Variants in OTOF observed in about 807,000 individuals in gnomAD.
OTOF encodes the protein otoferlin.
OTOF carries 218 observed loss-of-function variants against 236.8 expected under a neutral mutation model. That is an observed-to-expected ratio of 0.92 (90% CI 0.82 to 1.03). OTOF has a LOEUF of 1.03. Ranked by LOEUF, OTOF falls within the 50% of genes least tolerant of loss-of-function variation. OTOF has a pLI of 0.00. For synonymous variants in OTOF, 1,041 were observed against 1,072.5 expected (o/e 0.97, Z 0.57); for missense variants, 2,590 against 2,694.4 (o/e 0.96, Z 0.86).
intron 38 of OTOF, among the ~76,000 whole-genome samples, chr2:26,465,396 CTT>C (rs1664677741): frequency 6.6e-6 from 1 of 152,356 alleles, no homozygotes; most frequent in African/African-American, 2.4e-5. Context: ...CCAGGGGACT[CTT>C]TCTGTCCTCC....
chr2:26,510,572 G>A (rs531635379), intron 5 of OTOF: 40 of 450,588 alleles, frequency 8.9e-5, no homozygotes, highest in South Asian at 5.2e-4. Flanking sequence ...TCCATGACCC[G>A]TGCCAGCTCT....
At chr2:26,544,791 A>C (rs776845136) in intron 1 of OTOF, among the ~76,000 whole-genome samples, 1 of 152,166 alleles carries the variant, frequency 6.6e-6, no homozygotes. Context: ...TAATCCCAGC[A>C]CTTTGGGAGG....
At position 26,458,028 on chromosome 2, in the gene OTOF, A is replaced by C; in HGVS notation, c.*210T>G. 6.2e-7 allele frequency: 1 copy of C among 1,608,944 alleles called. No individual in the cohort carries two copies. The highest frequency in any genetic ancestry group is 8.5e-7 in the Non-Finnish European group (1 of 1,176,692). ...GCAGGGCTGGGGAGCGGCTGGCGGG[A>C]GCTGGCGGCCTTCATGCCCCAAGGA... On this transcript the variant is annotated 3_prime_UTR_variant, in exon 47 of 47. Transcript: ENST00000272371.
intron 32 of OTOF, among the ~76,000 whole-genome samples, chr2:26,469,641 C>T (rs532598322): frequency 1.3e-5 from 2 of 152,350 alleles, no homozygotes; most frequent in South Asian, 4.1e-4. Context: ...TCCAACCTTA[C>T]AGATGTGACA....
rs1665389020 is a variant in OTOF at position 26,477,752 on chromosome 2, G to A, written c.2215-3C>T. On this transcript the variant is annotated splice_region_variant and splice_polypyrimidine_tract_variant and intron_variant, in intron 18 of 46. Coordinates refer to ENST00000272371, the MANE Select transcript of OTOF (RefSeq NM_194248.3). This position sits in a 1 kb window ranked among gnomAD's most constrained non-coding sequence, Gnocchi z 4.7. ...TGTATGTCGTTCAGGCCTTCTTCCT[G>A]TGAATCAGGAGTGTGGGTGATGCTG... 6.2e-7 allele frequency: 1 copy of A among 1,612,672 alleles called. No individual in the cohort carries two copies. Among genetic ancestry groups the A allele is most frequent in the Non-Finnish European group, 8.5e-7 (1 of 1,179,928 alleles).
chr2:26,558,543 A>G lies in OTOF; in HGVS notation c.29T>C (p.Val10Ala). The change falls in exon 1 of 47, where the codon GTC becomes GCC. Residue 10 changes from valine to alanine, a missense_variant. By Grantham distance (64) the Val-to-Ala change is moderately conservative (BLOSUM62 0). Coordinates refer to ENST00000272371, the MANE Select transcript of OTOF (RefSeq NM_194248.3). ...GTCGCCCCTGCCCCGCAGCTCCGAG[A>G]CTGTCTTGAGGTGGATGAGCAAGGC... The part of the protein sequence containing the change: MALLIHLKT[V>A]SELRGRGDRI... The G allele has an allele frequency of 6.2e-7, 1 of 1,613,876 alleles. No homozygotes were observed. Among genetic ancestry groups the G allele is most frequent in the Non-Finnish European group, 8.5e-7 (1 of 1,179,926 alleles).
At chr2:26,540,258 C>G (rs937603426) in intron 1 of OTOF, among the ~76,000 whole-genome samples, 1 of 152,182 alleles carries the variant, frequency 6.6e-6, no homozygotes, top group Non-Finnish European at 1.5e-5. Context: ...TAAATCTCCA[C>G]CAGCATAAAC....
intron 25 of OTOF, 57 bp downstream of exon 25, chr2:26,475,302 G>A: frequency 6.2e-7 from 1 of 1,600,670 alleles, no homozygotes; most frequent in East Asian, 2.2e-5. Flanking sequence ...TGGAGTGCAG[G>A]GAACAAGGGC....
intron 1 of OTOF, among the ~76,000 whole-genome samples, chr2:26,552,427 T>G (rs1667484599): frequency 6.6e-6 from 1 of 152,160 alleles, no homozygotes. Flanking sequence ...AGATGTGGCT[T>G]TCACATGATC....
chr2:26,475,056 G>T (rs547895118), intron 25 of OTOF, among the ~76,000 whole-genome samples: 2 of 152,042 alleles, frequency 1.3e-5, no homozygotes, highest in Non-Finnish European at 2.9e-5. Context: ...GTGAGGGCAG[G>T]GGTCGGGGAG....
rs200147906 is a variant in OTOF, at chr2:26,465,671, C to A, written c.4799+1G>T. The A allele has an allele frequency of 6.2e-7, 1 of 1,614,020 alleles. No homozygotes were observed. The highest frequency in any genetic ancestry group is 1.3e-5 in the African/African-American group (1 of 74,944). On this transcript the variant is annotated splice_donor_variant, in intron 38 of 46. Transcript: ENST00000272371. LOFTEE classifies it high-confidence loss of function. ...CGCCCTCTGCCCCATGCCCCACATA[C>A]GTGGAGTAGGTCTGGGCGATGCCGC...
chr2:26,547,409 A>G (rs1416194802), intron 1 of OTOF, among the ~76,000 whole-genome samples: 1 of 152,016 alleles, frequency 6.6e-6, no homozygotes, highest in Non-Finnish European at 1.5e-5. Context: ...TTCATGAGAG[A>G]TATTGGGCTG....
intron 3 of OTOF, among the ~76,000 whole-genome samples, chr2:26,525,470 G>C (rs903072609): frequency 2.0e-5 from 3 of 152,226 alleles, no homozygotes; most frequent in African/African-American, 7.2e-5. Flanking sequence ...CCAGCAGCCT[G>C]TTCCTCATCC....
Position 26,496,590 on chromosome 2 carries a change from A to G in OTOF, c.766-1517T>C, listed in dbSNP as rs183644108. 8.8e-3 allele frequency among the ~76,000 whole-genome samples: 1,342 copies of G among 151,802 alleles called. 20 individuals are homozygous for G. Among genetic ancestry groups the G allele is most frequent in the African/African-American group, 0.029 (1,220 of 41,442 alleles). On this transcript the variant is annotated intron_variant, in intron 8 of 46. Coordinates refer to ENST00000272371, the MANE Select transcript of OTOF (RefSeq NM_194248.3). ...GATATAAGGACAGAGAGAGAGACAGAGAGAGAGAGAGCCAGAGCACCAGTA... is the reference window on the plus strand; with the variant it reads ...GATATAAGGACAGAGAGAGAGACAGGGAGAGAGAGAGCCAGAGCACCAGTA...
At chr2:26,490,981 C>T (rs927644618) in intron 9 of OTOF, among the ~76,000 whole-genome samples, 4 of 152,112 alleles carry the variant, frequency 2.6e-5, no homozygotes, top group Admixed American at 2.0e-4. Flanking sequence ...ATTTGGGAAT[C>T]GTCAGCACAA....
In OTOF at chr2:26,479,320, C is replaced by T; in HGVS notation, c.2158G>A (p.Asp720Asn). The T allele has an allele frequency of 6.2e-7, 1 of 1,612,358 alleles. No homozygotes were observed. Among genetic ancestry groups the T allele is most frequent in the Non-Finnish European group, 8.5e-7 (1 of 1,179,822 alleles). ...PCIYIKSWWP[D>N]QRRRLYNANI... ...GCATTGTAGAGGCGGCGGCGCTGGT[C>T]CGGCCACCAGCTCTTGATGTAGATG... Residue 720 changes from aspartate to asparagine, a missense_variant, in exon 18 of 47, where the codon GAC becomes AAC. Physicochemically the swap from Asp to Asn is conservative, Grantham distance 23. This residue lies in a region of OTOF where 1,379 missense variants were observed against 1,341.6 expected (regional missense o/e 1.03). Coordinates refer to ENST00000272371, the MANE Select transcript of OTOF (RefSeq NM_194248.3).
intron 18 of OTOF, among the ~76,000 whole-genome samples, chr2:26,478,660 T>C (rs1013830414): frequency 4.0e-5 from 6 of 151,058 alleles, no homozygotes; most frequent in Admixed American, 6.6e-5. Flanking sequence ...TTTTCCCCAT[T>C]TCCCTTCCCT....
At chr2:26,501,856 T>C (rs368182554) in intron 7 of OTOF, 48 bp from the exon 8 acceptor site, 20 of 1,436,962 alleles carry the variant, frequency 1.4e-5, no homozygotes, top group Non-Finnish European at 1.9e-5. Context: ...GGACTGCTTG[T>C]TGGGGAGGAG....
At chr2:26,512,220 T>TA (rs1666409022) in intron 5 of OTOF, among the ~76,000 whole-genome samples, 1 of 151,890 alleles carries the variant, frequency 6.6e-6, no homozygotes, top group South Asian at 2.1e-4. Context: ...GAAGAGGAGA[T>TA]AGTCGCAGAA....
Sources: gnomAD v4.1 joint callset for allele counts (sites outside exome capture counted in the v4.1 genomes callset) on GRCh38, gnomAD v4.1.1 for gene constraint, gnomAD v4.1.1 regional missense constraint, Gnocchi (gnomAD v3.1) non-coding constraint, MANE v1.5 for transcripts, NCBI Gene and HGNC (gene_info 2026-07-23, HGNC 2026-07-21) for gene names.